Variants in EXOC6B observed in about 807,000 individuals in gnomAD.
EXOC6B encodes the protein SEC15 homolog B.
A neutral mutation model predicts 113.5 loss-of-function variants in EXOC6B; 54 were observed. The observed-to-expected ratio is 0.48, with a 90% CI of 0.38 to 0.60. The LOEUF (loss-of-function observed/expected upper bound fraction) is 0.60. Among genes scored for constraint, EXOC6B ranks in the 20% least tolerant of loss-of-function variants. EXOC6B has a pLI of 0.00. For missense variants in EXOC6B, 797 were observed against 977.5 expected (o/e 0.82, Z 2.46); for synonymous variants, 357 against 339.0 (o/e 1.05, Z -0.58).
At chr2:72,736,788 G>A (rs570119541) in intron 2 of EXOC6B, among the ~76,000 whole-genome samples, 5 of 152,266 alleles carry the variant, frequency 3.3e-5, no homozygotes, top group Admixed American at 6.5e-5. Context: ...GACTATCATG[G>A]ACCAGGGCAC....
chr2:72,509,314 C>T (rs982389590), intron 11 of EXOC6B, among the ~76,000 whole-genome samples: 7 of 152,092 alleles, frequency 4.6e-5, no homozygotes, highest in African/African-American at 1.7e-4. Flanking sequence ...TCATTTAAAC[C>T]ACCCAGTCTA....
intron 18 of EXOC6B, among the ~76,000 whole-genome samples, chr2:72,398,106 TG>T (rs1264251688): frequency 6.6e-6 from 1 of 152,228 alleles, no homozygotes; most frequent in African/African-American, 2.4e-5. Context: ...TCAGTAGACT[TG>T]AATAAAGTAC....
At chr2:72,437,051 A>G (rs1470066119) in intron 18 of EXOC6B, among the ~76,000 whole-genome samples, 1 of 152,116 alleles carries the variant, frequency 6.6e-6, no homozygotes, top group African/African-American at 2.4e-5. Flanking sequence ...TCTATCTTTT[A>G]TCTTTGATGC....
intron 19 of EXOC6B, among the ~76,000 whole-genome samples, chr2:72,365,181 A>C (rs1690543789): frequency 6.6e-6 from 1 of 151,748 alleles, no homozygotes; most frequent in Non-Finnish European, 1.5e-5. Context: ...AGTAGTTTTT[A>C]TTTTCTTCCT....
chr2:72,356,682 A>G (rs779329451), intron 19 of EXOC6B, among the ~76,000 whole-genome samples: 4 of 152,130 alleles, frequency 2.6e-5, no homozygotes, highest in Non-Finnish European at 5.9e-5. Flanking sequence ...TTACATAGCC[A>G]TTGACTTTAC....
chr2:72,180,678 G>A (rs1453803808), intron 21 of EXOC6B, among the ~76,000 whole-genome samples: 5 of 152,158 alleles, frequency 3.3e-5, no homozygotes, highest in Non-Finnish European at 4.4e-5. Flanking sequence ...TTTCCCAGGG[G>A]ACTTTGGGCC....
At chr2:72,226,679 T>G (rs960599448) in intron 20 of EXOC6B, among the ~76,000 whole-genome samples, 2 of 152,186 alleles carry the variant, frequency 1.3e-5, no homozygotes, top group African/African-American at 4.8e-5. Context: ...AAGTGTGAAT[T>G]TAGGTTTTAT....
chr2:72,359,632 C>T (rs953847022), intron 19 of EXOC6B, among the ~76,000 whole-genome samples: 1 of 152,110 alleles, frequency 6.6e-6, no homozygotes, highest in Non-Finnish European at 1.5e-5. Context: ...AGTTGCCAAA[C>T]AAAAGAGAAA....
At position 72,647,207 on chromosome 2, in the gene EXOC6B, A is replaced by C. The variant is rs111550560; in HGVS notation, c.669+70896T>G. On this transcript the variant is annotated intron_variant, in intron 6 of 21. Transcript: ENST00000272427. Reference sequence around the variant, plus strand: ...TAAAAAGAGAATAAAATACCTAGGAATCCAACTTACAAGGGATGTGAAGGA... The same window carrying C: ...TAAAAAGAGAATAAAATACCTAGGACTCCAACTTACAAGGGATGTGAAGGA... Among the ~76,000 whole-genome samples, 82 of 152,342 alleles carry C rather than the reference A, an allele frequency of 5.4e-4. 1 individual carries two copies. The highest frequency in any genetic ancestry group is 1.8e-3 in the African/African-American group (74 of 41,568).
At chr2:72,624,608 T>C (rs1010339654) in intron 6 of EXOC6B, among the ~76,000 whole-genome samples, 1 of 152,056 alleles carries the variant, frequency 6.6e-6, no homozygotes, top group Non-Finnish European at 1.5e-5. Flanking sequence ...TAGCCAGGCA[T>C]AGTGGCACAT....
intron 1 of EXOC6B, among the ~76,000 whole-genome samples, chr2:72,821,168 T>C (rs1686560084): frequency 6.6e-6 from 1 of 151,508 alleles, no homozygotes; most frequent in East Asian, 1.9e-4. Flanking sequence ...GAAAAGCAAA[T>C]AACCCAATTT....
chr2:72,369,186 T>C (rs1239597517), intron 19 of EXOC6B, among the ~76,000 whole-genome samples: 2 of 152,138 alleles, frequency 1.3e-5, no homozygotes, highest in Admixed American at 6.5e-5. Context: ...ACAAAATCAA[T>C]GTGCAAAAAT....
intron 19 of EXOC6B, among the ~76,000 whole-genome samples, chr2:72,367,052 A>G (rs1690666691): frequency 6.6e-6 from 1 of 152,158 alleles, no homozygotes; most frequent in Non-Finnish European, 1.5e-5. Flanking sequence ...GACATTTTAT[A>G]AAATAAATGA....
intron 6 of EXOC6B, among the ~76,000 whole-genome samples, chr2:72,595,400 T>C (rs1271868526): frequency 4.0e-5 from 6 of 149,398 alleles, no homozygotes; most frequent in African/African-American, 1.5e-4. Flanking sequence ...AAAATAATTG[T>C]ATTAAAATAA....
chr2:72,650,077 C>T (rs1261426788), intron 6 of EXOC6B, among the ~76,000 whole-genome samples: 1 of 152,230 alleles, frequency 6.6e-6, no homozygotes, highest in East Asian at 1.9e-4. Context: ...CACCTGACTT[C>T]CGCCTCCTGT....
Position 72,480,650 on chromosome 2 carries a change from T to C in EXOC6B, c.1766A>G (p.His589Arg). The change falls in exon 17 of 22, where the codon CAC becomes CGC. Residue 589 changes from histidine to arginine, a missense_variant. Transcript: ENST00000272427. ...TGTGGTGCCATAGAGCTTGGTAGTG[T>C]GAACTGTCTCTGGAAGCACATTAGT... Reference protein sequence around the residue: ...NITNVLPETVHTTKLYGTTTF... With the variant: ...NITNVLPETVRTTKLYGTTTF... The C allele has an allele frequency of 6.3e-7, 1 of 1,588,080 alleles. No individual in the cohort carries two copies. Among genetic ancestry groups the C allele is most frequent in the African/African-American group, 1.3e-5 (1 of 74,680 alleles).
chr2:72,223,703 T>TTGTTTGTTTGTC, intron 20 of EXOC6B, among the ~76,000 whole-genome samples: 1 of 152,140 alleles, frequency 6.6e-6, no homozygotes, highest in Admixed American at 6.5e-5. Context: ...GTTTGTTTGT[T>TTGTTTGTTTGTC]TGTTTGTTTG....
chr2:72,491,383 G>A (rs1699736165), intron 16 of EXOC6B, among the ~76,000 whole-genome samples: 1 of 152,012 alleles, frequency 6.6e-6, no homozygotes, highest in Non-Finnish European at 1.5e-5. Context: ...CTATAGGTCA[G>A]TATCATTAAC....
At chr2:72,567,185 A>G (rs1704231080) in intron 7 of EXOC6B, among the ~76,000 whole-genome samples, 1 of 152,050 alleles carries the variant, frequency 6.6e-6, no homozygotes, top group African/African-American at 2.4e-5. Context: ...ACCTAATTAT[A>G]TATCAATTTG....
Sources: allele counts gnomAD v4.1 joint callset (sites outside exome capture counted in the v4.1 genomes callset), GRCh38; gene constraint gnomAD v4.1.1; transcripts MANE v1.5; gene names NCBI Gene and HGNC (gene_info 2026-07-23, HGNC 2026-07-21).